Variants in GAD2 observed in about 807,000 individuals in gnomAD.
GAD2 encodes 65 kDa glutamic acid decarboxylase.
In GAD2, 22 loss-of-function variants were observed where a neutral mutation model predicts 80.1. That is an observed-to-expected ratio of 0.27 (90% CI 0.20 to 0.39). GAD2 has a LOEUF of 0.39. Among genes scored for constraint, GAD2 ranks in the 10% least tolerant of loss-of-function variants. GAD2 has a pLI of 1.00. For synonymous variants in GAD2, 274 were observed against 256.9 expected (o/e 1.07, Z -0.64); for missense variants, 624 against 738.4 (o/e 0.85, Z 1.80).
intron 15 of GAD2, among the ~76,000 whole-genome samples, chr10:26,294,308 T>G (rs1239992962): frequency 6.6e-6 from 1 of 152,204 alleles, no homozygotes; most frequent in Non-Finnish European, 1.5e-5. Context: ...GAAGAGGATT[T>G]TGTGTAGATA....
chr10:26,226,879 C>T (rs969341705), intron 6 of GAD2, among the ~76,000 whole-genome samples: 4 of 152,204 alleles, frequency 2.6e-5, no homozygotes, highest in Non-Finnish European at 5.9e-5. Flanking sequence ...CTCAGCAGGT[C>T]ACAAAGCACA....
At chr10:26,287,609 T>C (rs2132316759) in intron 13 of GAD2, among the ~76,000 whole-genome samples, 2 of 152,378 alleles carry the variant, frequency 1.3e-5, no homozygotes, top group African/African-American at 4.8e-5. Context: ...GCAGATGTCC[T>C]TGCAGAAGTA....
chr10:26,217,779 G>A lies in GAD2; in HGVS notation c.137-63G>A. 1 of 1,578,190 alleles carries A rather than the reference G, an allele frequency of 6.3e-7. No individual in the cohort carries two copies. The highest frequency in any genetic ancestry group is 8.6e-7 in the Non-Finnish European group (1 of 1,161,112). On this transcript the variant is annotated intron_variant, in intron 2 of 15. Transcript: ENST00000376261. The surrounding 1 kb of genome is among the most constrained non-coding windows in gnomAD (Gnocchi z 4.9). ...CGGGGTTTCCTGGCTGCGGGTAGGC[G>A]GGAGCGAGGGAGCCGGGCCCGGCGG...
intron 8 of GAD2, among the ~76,000 whole-genome samples, chr10:26,250,904 G>A (rs1308958645): frequency 1.7e-5 from 2 of 117,120 alleles, no homozygotes; most frequent in Non-Finnish European, 3.3e-5. Context: ...TTTTGAGACA[G>A]AGTCTTGCTC....
chr10:26,290,893 TAG>T (rs765621738), intron 13 of GAD2, among the ~76,000 whole-genome samples: 184 of 152,360 alleles, frequency 1.2e-3, no homozygotes, highest in Non-Finnish European at 2.2e-3. Context: ...CAGGGCACAC[TAG>T]AGTTTTCTGT....
intron 4 of GAD2, 72 bp downstream of exon 4, chr10:26,219,348 GT>G (rs755214842): frequency 9.6e-7 from 1 of 1,038,476 alleles, no homozygotes; most frequent in South Asian, 1.8e-5. Context: ...TCTATAAAAT[GT>G]TTTGTTTGAT....
intron 15 of GAD2, among the ~76,000 whole-genome samples, chr10:26,294,298 GA>G (rs1834250162): frequency 6.6e-6 from 1 of 152,194 alleles, no homozygotes; most frequent in Admixed American, 6.5e-5. Context: ...GTAAAATGAA[GA>G]AGAGGATTTT....
intron 15 of GAD2, among the ~76,000 whole-genome samples, chr10:26,295,504 G>A (rs973947945): frequency 1.9e-3 from 143 of 74,630 alleles, no homozygotes; most frequent in African/African-American, 0.015. Context: ...ATATTCATAC[G>A]CATGCACACA....
chr10:26,259,679 A>G (rs1256955451), intron 8 of GAD2, among the ~76,000 whole-genome samples: 1 of 152,102 alleles, frequency 6.6e-6, no homozygotes, highest in Non-Finnish European at 1.5e-5. Flanking sequence ...TGTTGATAGT[A>G]TCTTTTGTTG....
At chr10:26,295,943 A>G (rs1170358612) in intron 15 of GAD2, among the ~76,000 whole-genome samples, 1 of 152,188 alleles carries the variant, frequency 6.6e-6, no homozygotes, top group Non-Finnish European at 1.5e-5. Flanking sequence ...GAACTCAAAA[A>G]TCGTTTGTTG....
At chr10:26,259,546 T>C (rs8190689) in intron 8 of GAD2, among the ~76,000 whole-genome samples, 2,861 of 152,220 alleles carry the variant, frequency 0.019, 92 homozygotes, top group African/African-American at 0.065. Context: ...ACTCAGGTCT[T>C]TTGGATTGGT....
At chr10:26,299,985 T>C (rs1834311945) in intron 15 of GAD2, among the ~76,000 whole-genome samples, 1 of 152,112 alleles carries the variant, frequency 6.6e-6, no homozygotes, top group African/African-American at 2.4e-5. Context: ...TCAAGAGATA[T>C]TTAATAAAGG....
At position 26,286,329 on chromosome 10, in the gene GAD2, C is replaced by G; in HGVS notation, c.1237-16C>G. 1 of 1,594,334 alleles carries G rather than the reference C, an allele frequency of 6.3e-7. No homozygotes were observed. The highest frequency in any genetic ancestry group is 8.5e-7 in the Non-Finnish European group (1 of 1,174,670). On this transcript the variant is annotated splice_polypyrimidine_tract_variant and intron_variant, in intron 12 of 15. Coordinates refer to ENST00000376261, the MANE Select transcript of GAD2 (RefSeq NM_001134366.2). Reference sequence around the variant, plus strand: ...TAGTCAGTAGAATTTCCTAAATTTTCTCTTCTCTCTTGTAGGGATTGATGC... The same window carrying G: ...TAGTCAGTAGAATTTCCTAAATTTTGTCTTCTCTCTTGTAGGGATTGATGC...
rs1845164488 is a variant in GAD2, at chr10:26,273,637, C to T, written c.1094C>T (p.Ala365Val). Residue 365 changes from alanine (A) to valine (V), a missense_variant and splice_region_variant, in exon 11 of 16, where the codon GCA becomes GTA. Ala to Val is a moderately conservative substitution (Grantham distance 64). Coordinates refer to ENST00000376261, the MANE Select transcript of GAD2 (RefSeq NM_001134366.2). ...KKYKIWMHVD[A>V]AWGGGLLMSR... ...TTTCCTCATATGATTTTTTTTCAGG[C>T]AGCTTGGGGTGGGGGATTACTGATG... The T allele has an allele frequency of 2.5e-6, 4 of 1,612,428 alleles. No homozygotes were observed. The Admixed American group carries it at 5.0e-5, about 20-fold the overall frequency.
At chr10:26,254,032 G>A (rs1458760760) in intron 8 of GAD2, among the ~76,000 whole-genome samples, 1 of 152,122 alleles carries the variant, frequency 6.6e-6, no homozygotes, top group Admixed American at 6.5e-5. Context: ...TCTTTTAATT[G>A]AATTAATTAA....
At chr10:26,268,303 C>A (rs1000788037) in intron 8 of GAD2, among the ~76,000 whole-genome samples, 8 of 152,082 alleles carry the variant, frequency 5.3e-5, no homozygotes, top group Non-Finnish European at 1.0e-4. Flanking sequence ...CCCGTCTCTA[C>A]TAAAAATACA....
chr10:26,222,306 A>G (rs908033419), intron 4 of GAD2, among the ~76,000 whole-genome samples: 1 of 152,194 alleles, frequency 6.6e-6, no homozygotes, highest in East Asian at 1.9e-4. Context: ...TTCATTCCCA[A>G]GTTTCCCTAG....
At chr10:26,224,802 A>G in intron 6 of GAD2, 151 bp downstream of exon 6, 1 of 611,362 alleles carries the variant, frequency 1.6e-6, no homozygotes, top group Non-Finnish European at 2.9e-6. Context: ...TTAAGTGCAC[A>G]TGACCATTGA....
chr10:26,299,860 G>C (rs1472235483), intron 15 of GAD2, among the ~76,000 whole-genome samples: 1 of 152,194 alleles, frequency 6.6e-6, no homozygotes, highest in African/African-American at 2.4e-5. Flanking sequence ...GAATCTTGAA[G>C]TGTGTGTAGG....
Sources: gnomAD v4.1 joint callset for allele counts (sites outside exome capture counted in the v4.1 genomes callset) on GRCh38, gnomAD v4.1.1 for gene constraint, Gnocchi (gnomAD v3.1) non-coding constraint, MANE v1.5 for transcripts, NCBI Gene and HGNC (gene_info 2026-07-23, HGNC 2026-07-21) for gene names.